The following PTPRQ variants were observed in gnomAD, a reference collection of about 807,000 sequenced individuals.
PTPRQ encodes phosphatidylinositol phosphatase PTPRQ.
A neutral mutation model predicts 246.0 loss-of-function variants in PTPRQ; 199 were observed. The observed-to-expected ratio is 0.81, with a 90% CI of 0.72 to 0.91. PTPRQ has a LOEUF of 0.91. Among genes scored for constraint, PTPRQ ranks in the 40% least tolerant of loss-of-function variants. The probability of loss-of-function intolerance (pLI) is 0.00; values close to 1 mark genes in which losing one functional copy is unlikely to be tolerated. For missense variants in PTPRQ, 2,624 were observed against 2,528.4 expected (o/e 1.04, Z -0.81); for synonymous variants, 869 against 853.2 (o/e 1.02, Z -0.32).
Position 80,616,229 on chromosome 12 carries a change from T to C in PTPRQ, c.5193T>C (p.Gly1731=). ...SVYAVNSAGA[G]PKVPMRITMD... ...ACGCAGTCAATAGTGCTGGTGCAGG[T>C]CCAAAGGTTCCGATGAGAATAACCA... The change falls in exon 30 of 45, where the codon GGT becomes GGC. Residue 1731 remains glycine (G), a synonymous_variant. Coordinates refer to ENST00000644991, the MANE Select transcript of PTPRQ (RefSeq NM_001145026.2). 1 of 1,492,966 alleles carries C rather than the reference T, an allele frequency of 6.7e-7. No homozygotes were observed. The highest frequency in any genetic ancestry group is 2.7e-5 in the East Asian group (1 of 36,966). 92.5% of individuals were successfully genotyped at this position (1,492,966 alleles called of 1,614,324 possible).
intron 25 of PTPRQ, among the ~76,000 whole-genome samples, chr12:80,568,056 G>A (rs1303489206): frequency 6.6e-6 from 1 of 152,104 alleles, no homozygotes; most frequent in Admixed American, 6.6e-5. Context: ...GCTTTACATA[G>A]TAGTATAGGA....
intron 26 of PTPRQ, among the ~76,000 whole-genome samples, chr12:80,603,017 C>T (rs1898194139): frequency 6.6e-6 from 1 of 151,710 alleles, no homozygotes; most frequent in Non-Finnish European, 1.5e-5. Flanking sequence ...TCATCTCCTA[C>T]CATAGTCTTA....
intron 8 of PTPRQ, among the ~76,000 whole-genome samples, chr12:80,472,855 AG>A (rs1285312617): frequency 1.3e-5 from 2 of 152,198 alleles, no homozygotes; most frequent in African/African-American, 4.8e-5. Flanking sequence ...CATATCTTTC[AG>A]GCCCACACTG....
rs916342907 is a variant in PTPRQ, at chr12:80,496,614, T to C, written c.2272+83T>C. 2.8e-6 allele frequency: 4 copies of C among 1,423,792 alleles called. No individual in the cohort carries two copies. The South Asian group carries it at 5.9e-5, about 21-fold the overall frequency. 88.2% of individuals were successfully genotyped at this position (1,423,792 alleles called of 1,614,324 possible). A position where few individuals can be genotyped will look rare whatever the true frequency, so the allele number is the denominator to read the frequency against. On this transcript the variant is annotated intron_variant, in intron 14 of 44. Coordinates refer to ENST00000644991, the MANE Select transcript of PTPRQ (RefSeq NM_001145026.2). ...TGATAATCGCCATGTTGTTTACATT[T>C]TACATAACCTAAAATCCCTCATTAT...
chr12:80,446,174 G>A (rs941317016), intron 3 of PTPRQ, among the ~76,000 whole-genome samples: 1 of 149,296 alleles, frequency 6.7e-6, no homozygotes, highest in Non-Finnish European at 1.5e-5. Context: ...CAATAAATCT[G>A]TTATACAATT....
intron 10 of PTPRQ, among the ~76,000 whole-genome samples, chr12:80,494,238 T>C (rs1045975122): frequency 1.3e-4 from 20 of 152,054 alleles, no homozygotes; most frequent in African/African-American, 4.6e-4. Context: ...CCATGATTTC[T>C]GATGCAGACA....
At chr12:80,616,994 A>G (rs577278683) in intron 30 of PTPRQ, among the ~76,000 whole-genome samples, 2 of 151,338 alleles carry the variant, frequency 1.3e-5, no homozygotes, top group South Asian at 2.1e-4. Flanking sequence ...AAGTGGATGG[A>G]CTTTTAGTAG....
intron 14 of PTPRQ, among the ~76,000 whole-genome samples, chr12:80,499,449 G>A (rs1417384110): frequency 2.0e-5 from 3 of 151,916 alleles, no homozygotes; most frequent in African/African-American, 7.2e-5. Context: ...TAAAATGTTA[G>A]GTAGGGTCTC....
At chr12:80,644,261 C>CA (rs1391208567) in intron 35 of PTPRQ, among the ~76,000 whole-genome samples, 4 of 152,060 alleles carry the variant, frequency 2.6e-5, no homozygotes, top group African/African-American at 9.7e-5. Flanking sequence ...AGACACTTTT[C>CA]AACCAAAAGA....
chr12:80,545,063 C>G (rs916495693), intron 23 of PTPRQ, among the ~76,000 whole-genome samples: 2 of 152,124 alleles, frequency 1.3e-5, no homozygotes, highest in Non-Finnish European at 2.9e-5. Flanking sequence ...ATAAACTATT[C>G]TCTTATTATT....
chr12:80,449,405 T>C lies in PTPRQ; in HGVS notation c.390+3688T>C, dbSNP rs375679677. Among the ~76,000 whole-genome samples the C allele has an allele frequency of 1.8e-3, 278 of 152,346 alleles. 5 individuals are homozygous for C. The South Asian group carries it at 0.022, about 12-fold the overall frequency. On this transcript the variant is annotated intron_variant, in intron 3 of 44. Coordinates refer to ENST00000644991, the MANE Select transcript of PTPRQ (RefSeq NM_001145026.2). Reference sequence around the variant, plus strand: ...TGAGATCCCATTTGTCAATTTTGTCTTTTGTTGCCATTGCTTTTGGTGTTT... The same window carrying C: ...TGAGATCCCATTTGTCAATTTTGTCCTTTGTTGCCATTGCTTTTGGTGTTT...
chr12:80,666,500 T>C (rs1338324830), intron 39 of PTPRQ, among the ~76,000 whole-genome samples: 2 of 151,972 alleles, frequency 1.3e-5, no homozygotes, highest in African/African-American at 2.4e-5. Context: ...AGCTCTGTAG[T>C]GTGACTATAA....
chr12:80,673,674 A>G (rs1901044469), intron 43 of PTPRQ, among the ~76,000 whole-genome samples: 1 of 152,180 alleles, frequency 6.6e-6, no homozygotes, highest in Non-Finnish European at 1.5e-5. Flanking sequence ...AAATGGGAAA[A>G]CAGTTTAAAA....
At chr12:80,495,842 T>G (rs1894600978) in intron 12 of PTPRQ, among the ~76,000 whole-genome samples, 157 bp from the exon 13 acceptor site, 1 of 152,040 alleles carries the variant, frequency 6.6e-6, no homozygotes, top group African/African-American at 2.4e-5. Context: ...TGGAAAGGCC[T>G]ATAAGCCCAA....
chr12:80,465,498 C>G (rs1417207838), intron 6 of PTPRQ: 3 of 152,206 alleles, frequency 2.0e-5, no homozygotes, highest in African/African-American at 7.2e-5. Flanking sequence ...CTCCCTAACT[C>G]ATTTTATGAG....
chr12:80,530,258 C>T (rs1895805860), intron 17 of PTPRQ, among the ~76,000 whole-genome samples: 1 of 152,084 alleles, frequency 6.6e-6, no homozygotes, highest in Admixed American at 6.6e-5. Flanking sequence ...CTTTTAGCTA[C>T]TAAGGGAAAA....
rs370180056 is a variant in PTPRQ, at chr12:80,669,339, A to T, written c.6328A>T (p.Ile2110Phe). The T allele has an allele frequency of 6.5e-7, 1 of 1,549,462 alleles. No individual in the cohort carries two copies. The highest frequency in any genetic ancestry group is 8.7e-7 in the Non-Finnish European group (1 of 1,145,910). The change falls in exon 41 of 45, where the codon ATC (isoleucine) becomes TTC (phenylalanine). Residue 2110 changes from isoleucine (I) to phenylalanine (F), a missense_variant and splice_region_variant. By Grantham distance (21) the Ile-to-Phe change is conservative. Coordinates refer to ENST00000644991, the MANE Select transcript of PTPRQ (RefSeq NM_001145026.2). The part of the protein sequence containing the change: ...MLTQCFEKGR[I>F]RCHQYWPEDN... ...GACTGATGATTTTCTCTGAATGCAGATCAGATGCCATCAGTATTGGCCAGA... is the reference window on the plus strand; with the variant it reads ...GACTGATGATTTTCTCTGAATGCAGTTCAGATGCCATCAGTATTGGCCAGA...
chr12:80,677,308 G>A (rs1476333441), intron 43 of PTPRQ, among the ~76,000 whole-genome samples: 1 of 152,026 alleles, frequency 6.6e-6, no homozygotes, highest in African/African-American at 2.4e-5. Flanking sequence ...GAATTACCTC[G>A]AGAAGTAACT....
At chr12:80,620,421 T>G in intron 32 of PTPRQ, 45 bp downstream of exon 32, 1 of 1,541,936 alleles carries the variant, frequency 6.5e-7, no homozygotes, top group Non-Finnish European at 8.7e-7. Flanking sequence ...AGCAAGCTAG[T>G]TAGTATCTTT....
Sources: allele counts gnomAD v4.1 joint callset (sites outside exome capture counted in the v4.1 genomes callset), GRCh38; gene constraint gnomAD v4.1.1; transcripts MANE v1.5; gene names NCBI Gene and HGNC (gene_info 2026-07-23, HGNC 2026-07-21).